Variants in MTUS1 observed in about 807,000 individuals in gnomAD.
MTUS1 encodes microtubule-associated tumor suppressor 1.
Under a neutral mutation model 120.8 loss-of-function variants are expected in MTUS1, and 109 were observed. The ratio of observed to expected loss-of-function variants is 0.90; its 90% CI spans 0.77 to 1.06. The LOEUF (loss-of-function observed/expected upper bound fraction) is 1.06. MTUS1 is among the 50% of genes least tolerant of loss of function. MTUS1 has a pLI of 0.00. For synonymous variants in MTUS1, 737 were observed against 550.5 expected (o/e 1.34, Z -4.74); for missense variants, 2,210 against 1,486.3 (o/e 1.49, Z -8.01).
At chr8:17,750,509 C>T (rs1201307754) in intron 2 of MTUS1, among the ~76,000 whole-genome samples, 1 of 152,102 alleles carries the variant, frequency 6.6e-6, no homozygotes, top group African/African-American at 2.4e-5. Flanking sequence ...ATTTTGAAAC[C>T]GTATGGTGTA....
At chr8:17,729,163 G>A (rs1187160389) in intron 3 of MTUS1, among the ~76,000 whole-genome samples, 1 of 152,152 alleles carries the variant, frequency 6.6e-6, no homozygotes, top group Non-Finnish European at 1.5e-5. Flanking sequence ...ACTACTTAGA[G>A]ACAGTTACCT....
At chr8:17,769,000 G>C (rs2131432666) in intron 1 of MTUS1, among the ~76,000 whole-genome samples, 1 of 152,122 alleles carries the variant, frequency 6.6e-6, no homozygotes, top group South Asian at 2.1e-4. Context: ...TCAGTCAATA[G>C]CACAGTATAG....
At chr8:17,658,219 A>G (rs1808884155) in intron 8 of MTUS1, among the ~76,000 whole-genome samples, 1 of 152,152 alleles carries the variant, frequency 6.6e-6, no homozygotes, top group African/African-American at 2.4e-5. Flanking sequence ...GTATTTTAGT[A>G]GACACATGGT....
chr8:17,783,853 C>G lies in MTUS1; in HGVS notation c.-155+17208G>C, dbSNP rs564024848. 8.5e-5 allele frequency among the ~76,000 whole-genome samples: 13 copies of G among 152,286 alleles called. No homozygotes were observed. The East Asian group carries it at 2.5e-3, about 29-fold the overall frequency. ...AGGCTCTGCTGTGGTCAACAAATAC[C>G]ACTGACAGTGGCCCGGACCACCACT... On this transcript the variant is annotated intron_variant, in intron 1 of 14. Transcript: ENST00000693296.
rs375301152 is a variant in MTUS1, at chr8:17,673,770, C to T, written c.2905+1416G>A. Among the ~76,000 whole-genome samples the T allele has an allele frequency of 1.6e-3, 238 of 152,242 alleles. 1 individual carries two copies. Among genetic ancestry groups the T allele is most frequent in the African/African-American group, 5.5e-3 (227 of 41,548 alleles). ...ACACCCAGCCCAGACAAAGTCTTGA[C>T]CCCACGTTCACTGCCGTTTGATTTC... On this transcript the variant is annotated intron_variant, in intron 8 of 14. Coordinates refer to ENST00000693296, the MANE Select transcript of MTUS1 (RefSeq NM_001363059.2).
intron 1 of MTUS1, among the ~76,000 whole-genome samples, chr8:17,766,888 T>C (rs1345993571): frequency 6.6e-6 from 1 of 152,142 alleles, no homozygotes; most frequent in Non-Finnish European, 1.5e-5. Flanking sequence ...TTTAATCATA[T>C]TTTAAAGTAT....
rs564646125 is a variant in MTUS1, at chr8:17,708,735, A to G, written c.2623+4479T>C. 6 of 152,338 alleles carry G rather than the reference A, an allele frequency of 3.9e-5. No homozygotes were observed. In the East Asian group the frequency reaches 7.7e-4, roughly 20 times the overall value. The allele number at this position is 152,338 out of a possible 1,614,324, so 9.4% of individuals were successfully genotyped here. On this transcript the variant is annotated intron_variant, in intron 6 of 14. Coordinates refer to ENST00000693296, the MANE Select transcript of MTUS1 (RefSeq NM_001363059.2). The stretch of plus-strand genomic sequence containing the variant: ...AGTTTCTTCTGCATTTTTACCCTAT[A>G]AAGGCTTTAGTAACCACATATATTC...
intron 6 of MTUS1, 33 bp from the exon 7 acceptor site, chr8:17,684,575 G>A (rs750579309): frequency 7.1e-6 from 11 of 1,548,016 alleles, no homozygotes; most frequent in African/African-American, 1.4e-5. Flanking sequence ...TACAAAGATA[G>A]GTGAGGTTAA....
At chr8:17,763,842 G>A (rs2049245931) in intron 1 of MTUS1, among the ~76,000 whole-genome samples, 1 of 152,174 alleles carries the variant, frequency 6.6e-6, no homozygotes, top group Non-Finnish European at 1.5e-5. Context: ...GACATCATAT[G>A]TACCACCTCT....
At chr8:17,659,007 C>G (rs1027975261) in intron 8 of MTUS1, among the ~76,000 whole-genome samples, 4 of 152,140 alleles carry the variant, frequency 2.6e-5, no homozygotes, top group Admixed American at 6.5e-5. Context: ...TTCTCGTTGC[C>G]TGGCACAGAA....
At chr8:17,646,289 A>G in intron 14 of MTUS1, 150 bp from the exon 15 acceptor site, 1 of 922,728 alleles carries the variant, frequency 1.1e-6, no homozygotes, top group Non-Finnish European at 1.6e-6. Flanking sequence ...TTGGCTGGCT[A>G]AGAAAACCCA....
At chr8:17,779,973 G>A (rs1034896059) in intron 1 of MTUS1, among the ~76,000 whole-genome samples, 2 of 152,188 alleles carry the variant, frequency 1.3e-5, no homozygotes, top group Middle Eastern at 3.2e-3. Flanking sequence ...GACATGGGTT[G>A]GATGTGTGTC....
chr8:17,757,776 C>T (rs1488156632), intron 1 of MTUS1, among the ~76,000 whole-genome samples: 2 of 152,136 alleles, frequency 1.3e-5, no homozygotes, highest in African/African-American at 4.8e-5. Flanking sequence ...ATCTGCCCAC[C>T]TCGGCCTCCC....
chr8:17,774,629 C>T (rs188836150), intron 1 of MTUS1, among the ~76,000 whole-genome samples: 14 of 152,236 alleles, frequency 9.2e-5, no homozygotes, highest in Admixed American at 6.5e-5. Context: ...AACCCCCTTG[C>T]GTTGCTGGTG....
At position 17,754,456 on chromosome 8, in the gene MTUS1, C is replaced by A; in HGVS notation, c.1352G>T (p.Cys451Phe). The A allele has an allele frequency of 6.2e-7, 1 of 1,614,200 alleles. No homozygotes were observed. Among genetic ancestry groups the A allele is most frequent in the Non-Finnish European group, 8.5e-7 (1 of 1,180,026 alleles). ...SVSPIEATEK[C>F]KKVEKGNRGL... is the part of the protein sequence containing the mutation. ...TCGATTACCCTTCTCCACTTTCTTA[C>A]ATTTCTCCGTCGCTTCAATCGGTGA... Residue 451 changes from cysteine to phenylalanine, a missense_variant, in exon 2 of 15, where the codon TGT becomes TTT. By Grantham distance (205) the Cys-to-Phe change is radical (BLOSUM62 -2). Transcript: ENST00000693296.
At position 17,645,891 on chromosome 8, in the gene MTUS1, A is replaced by G. The variant is rs1479344939; in HGVS notation, c.*35T>C. ...GTCAGTCCTGCAGACCTGCATCAAA[A>G]TGCTTTCAGAGAGTCTGTGGACTTT... On this transcript the variant is annotated 3_prime_UTR_variant, in exon 15 of 15. Transcript: ENST00000693296. 3.1e-6 allele frequency: 5 copies of G among 1,592,204 alleles called. No homozygotes were observed. Among genetic ancestry groups the G allele is most frequent in the Non-Finnish European group, 4.3e-6 (5 of 1,170,032 alleles).
chr8:17,753,753 A>C lies in MTUS1; in HGVS notation c.2055T>G (p.Ile685Met). ...SMEKQELKQE[I>M]MNETFEYGSL... ...AACCATATTCAAAAGTCTCATTCAT[A>C]ATCTCTTGTTTCAGCTCTTGTTTTT... The change falls in exon 2 of 15, where the codon ATT (isoleucine) becomes ATG (methionine). Residue 685 changes from isoleucine (I) to methionine (M), a missense_variant. By Grantham distance (10) the Ile-to-Met change is conservative. Coordinates refer to ENST00000693296, the MANE Select transcript of MTUS1 (RefSeq NM_001363059.2). The C allele has an allele frequency of 6.2e-7, 1 of 1,610,898 alleles. No individual in the cohort carries two copies. Among genetic ancestry groups the C allele is most frequent in the Non-Finnish European group, 8.5e-7 (1 of 1,179,232 alleles).
intron 8 of MTUS1, 133 bp from the exon 9 acceptor site, chr8:17,656,198 G>A: frequency 2.6e-6 from 2 of 766,786 alleles, no homozygotes; most frequent in Non-Finnish European, 4.3e-6. Context: ...TAGTGACCAT[G>A]TCTTCAAATA....
At chr8:17,660,245 C>T (rs1276040028) in intron 8 of MTUS1, among the ~76,000 whole-genome samples, 3 of 152,128 alleles carry the variant, frequency 2.0e-5, no homozygotes, top group Non-Finnish European at 2.9e-5. Flanking sequence ...TGATGGCGCA[C>T]GTCTGTAGTC....
Sources: allele counts gnomAD v4.1 joint callset (sites outside exome capture counted in the v4.1 genomes callset), GRCh38; gene constraint gnomAD v4.1.1; transcripts MANE v1.5; gene names NCBI Gene and HGNC (gene_info 2026-07-23, HGNC 2026-07-21).